Variants in AUTS2 observed in about 807,000 individuals in gnomAD.
AUTS2 encodes the protein activator of transcription and developmental regulator AUTS2.
Under a neutral mutation model 112.4 loss-of-function variants are expected in AUTS2, and 17 were observed. That is an observed-to-expected ratio of 0.15 (90% CI 0.10 to 0.23). The LOEUF is 0.23. Among genes scored for constraint, AUTS2 ranks in the 10% least tolerant of loss-of-function variants. The pLI is 1.00. For missense variants in AUTS2, 1,510 were observed against 1,701.6 expected, an observed-to-expected ratio of 0.89 and a Z score of 1.98; for synonymous variants, 751 against 702.7, an observed-to-expected ratio of 1.07 and a Z score of -1.09.
At chr7:70,629,098 T>G (rs1805119488) in intron 5 of AUTS2, among the ~76,000 whole-genome samples, 1 of 152,110 alleles carries the variant, frequency 6.6e-6, no homozygotes, top group Non-Finnish European at 1.5e-5. Context: ...CAGATGCCAC[T>G]TGGAGATGGA....
intron 4 of AUTS2, among the ~76,000 whole-genome samples, chr7:70,254,563 A>G (rs1488191210): frequency 6.6e-6 from 1 of 152,146 alleles, no homozygotes; most frequent in Non-Finnish European, 1.5e-5. Flanking sequence ...ACTGCTTGCT[A>G]TCCCAAACAC....
At chr7:70,032,153 G>T (rs1800810724) in intron 2 of AUTS2, among the ~76,000 whole-genome samples, 1 of 151,742 alleles carries the variant, frequency 6.6e-6, no homozygotes, top group Non-Finnish European at 1.5e-5. Flanking sequence ...TTATGATCCA[G>T]GTCCTTAAAA....
intron 2 of AUTS2, among the ~76,000 whole-genome samples, chr7:69,899,740 T>G (rs1356593021): frequency 6.6e-6 from 1 of 152,224 alleles, no homozygotes; most frequent in Non-Finnish European, 1.5e-5. Context: ...GCAACAAAGC[T>G]TGATGCTAAG....
chr7:69,917,988 G>C, intron 2 of AUTS2, among the ~76,000 whole-genome samples: 1 of 151,928 alleles, frequency 6.6e-6, no homozygotes, highest in East Asian at 1.9e-4. Context: ...GACTACAGGT[G>C]CCCGCCACCA....
chr7:70,713,450 G>T (rs538044332), intron 6 of AUTS2, among the ~76,000 whole-genome samples: 3 of 152,180 alleles, frequency 2.0e-5, no homozygotes, highest in Non-Finnish European at 4.4e-5. Flanking sequence ...CCCAAAAAAT[G>T]TAAAACTCTT....
At chr7:69,784,780 T>G (rs754507326) in intron 1 of AUTS2, among the ~76,000 whole-genome samples, 1 of 152,226 alleles carries the variant, frequency 6.6e-6, no homozygotes, top group Non-Finnish European at 1.5e-5. Flanking sequence ...AGAGGAGGCA[T>G]GTGGCTTGTT....
chr7:70,405,869 G>T (rs1290931054), intron 4 of AUTS2, among the ~76,000 whole-genome samples: 1 of 152,206 alleles, frequency 6.6e-6, no homozygotes, highest in Admixed American at 6.5e-5. Context: ...ATAGGTAGGG[G>T]ATGCTTTTAT....
At chr7:70,373,670 G>A (rs551487375) in intron 4 of AUTS2, among the ~76,000 whole-genome samples, 2 of 152,250 alleles carry the variant, frequency 1.3e-5, no homozygotes, top group Admixed American at 1.3e-4. Flanking sequence ...ATTAACACCT[G>A]TGGGACAATC....
At chr7:70,724,239 A>G (rs950881806) in intron 6 of AUTS2, among the ~76,000 whole-genome samples, 1 of 152,164 alleles carries the variant, frequency 6.6e-6, no homozygotes, top group Non-Finnish European at 1.5e-5. Flanking sequence ...TTGCAGGCAC[A>G]TATATACCTT....
intron 1 of AUTS2, among the ~76,000 whole-genome samples, chr7:69,847,735 T>C (rs1391321051): frequency 1.3e-5 from 2 of 152,160 alleles, no homozygotes; most frequent in South Asian, 4.1e-4. Context: ...AGCCGAACAC[T>C]TGAACGTGAG....
intron 4 of AUTS2, among the ~76,000 whole-genome samples, chr7:70,246,380 A>G (rs1812926217): frequency 6.6e-6 from 1 of 152,118 alleles, no homozygotes; most frequent in Non-Finnish European, 1.5e-5. Context: ...GATGTGAGGT[A>G]AGGTAAGGGT....
intron 4 of AUTS2, among the ~76,000 whole-genome samples, chr7:70,372,092 A>G (rs1262854241): frequency 6.6e-6 from 1 of 152,182 alleles, no homozygotes; most frequent in Non-Finnish European, 1.5e-5. Context: ...ATGATTTTCC[A>G]TTGTCCAGAC....
Position 70,790,347 on chromosome 7 carries a change from G to T in AUTS2, c.3131G>T (p.Arg1044Leu). ...MNSISSLDRTRMMTPFMGISP... is the reference protein window; with the variant it reads ...MNSISSLDRTLMMTPFMGISP... ...AGCATCAGCAGCCTGGACAGGACTC[G>T]CATGATGACCCCCTTCATGGGCATC... The change falls in exon 19 of 19, where the codon CGC becomes CTC. Residue 1044 changes from arginine to leucine, a missense_variant. Around this residue, in one of 3 missense-constraint regions of AUTS2, gnomAD observed 788 missense variants for 797.6 expected, o/e 0.99. Coordinates refer to ENST00000342771, the MANE Select transcript of AUTS2 (RefSeq NM_015570.4). The surrounding 1 kb of genome is among the most constrained non-coding windows in gnomAD (Gnocchi z 7.6). 1 of 1,613,854 alleles carries T rather than the reference G, an allele frequency of 6.2e-7. No individual in the cohort carries two copies. Among genetic ancestry groups the T allele is most frequent in the South Asian group, 1.1e-5 (1 of 91,072 alleles).
chr7:70,582,455 G>A (rs1802497687), intron 5 of AUTS2, among the ~76,000 whole-genome samples: 1 of 152,142 alleles, frequency 6.6e-6, no homozygotes, highest in African/African-American at 2.4e-5. Flanking sequence ...ATGTATATTT[G>A]TTCAGAGCTC....
chr7:70,211,505 C>T (rs954531551), intron 4 of AUTS2, among the ~76,000 whole-genome samples: 9 of 147,870 alleles, frequency 6.1e-5, no homozygotes, highest in Admixed American at 1.4e-4. Context: ...AAAAATTAGC[C>T]GGATGTGGTG....
At chr7:70,717,612 C>A (rs368593798) in intron 6 of AUTS2, among the ~76,000 whole-genome samples, 3 of 152,244 alleles carry the variant, frequency 2.0e-5, no homozygotes, top group African/African-American at 7.2e-5. Flanking sequence ...GATAGGCCAA[C>A]CCACTATGAG....
At chr7:70,482,212 G>T (rs1797816984) in intron 5 of AUTS2, among the ~76,000 whole-genome samples, 1 of 152,172 alleles carries the variant, frequency 6.6e-6, no homozygotes, top group Non-Finnish European at 1.5e-5. Context: ...GGAGGACAAA[G>T]CTGTAAGGGC....
chr7:70,089,839 T>C (rs1803815539), intron 2 of AUTS2, among the ~76,000 whole-genome samples: 1 of 151,580 alleles, frequency 6.6e-6, no homozygotes, highest in African/African-American at 2.4e-5. Context: ...CGAAACCCCG[T>C]CTACTAAAAA....
At chr7:70,289,559 A>G (rs1788616826) in intron 4 of AUTS2, among the ~76,000 whole-genome samples, 1 of 152,206 alleles carries the variant, frequency 6.6e-6, no homozygotes, top group South Asian at 2.1e-4. Context: ...AAGGGAAGGG[A>G]GAAAGTGAAT....
Sources: allele counts gnomAD v4.1 joint callset (sites outside exome capture counted in the v4.1 genomes callset), GRCh38; gene constraint gnomAD v4.1.1; regional missense constraint gnomAD v4.1.1; non-coding constraint Gnocchi (gnomAD v3.1); transcripts MANE v1.5; gene names NCBI Gene and HGNC (gene_info 2026-07-23, HGNC 2026-07-21).